DHRSX: variants seen among roughly 807,000 people sequenced by gnomAD.
DHRSX encodes dehydrogenase/reductase X-linked.
In DHRSX, 31 loss-of-function variants were observed where a neutral mutation model predicts 34.0. That is an observed-to-expected ratio of 0.91 (90% CI 0.69 to 1.23). The LOEUF (loss-of-function observed/expected upper bound fraction) is 1.23, where lower values mean the gene tolerates loss of function less well. Ranked by LOEUF, DHRSX falls within the 50% of genes most tolerant of loss-of-function variation. DHRSX has a pLI of 0.00. For missense variants in DHRSX, 414 were observed against 428.1 expected (o/e 0.97, Z 0.29); for synonymous variants, 201 against 183.8 (o/e 1.09, Z -0.76).
At chrX:2,351,447 C>T (rs2042787968) in intron 3 of DHRSX, among the ~76,000 whole-genome samples, 1 of 152,150 alleles carries the variant, frequency 6.6e-6, no homozygotes, top group Non-Finnish European at 1.5e-5. Flanking sequence ...CAGCCTCAGA[C>T]AGGTCATGAC....
At chrX:2,319,311 G>A (rs1190594346) in intron 3 of DHRSX, among the ~76,000 whole-genome samples, 32 of 149,808 alleles carry the variant, frequency 2.1e-4, no homozygotes, top group Admixed American at 3.4e-4. Flanking sequence ...TTGGGAGGCC[G>A]AGGCGGGTAG....
chrX:2,496,024 G>A (rs2045275798), intron 1 of DHRSX, among the ~76,000 whole-genome samples: 1 of 152,118 alleles, frequency 6.6e-6, no homozygotes, highest in African/African-American at 2.4e-5. Context: ...TTTTGGAAAT[G>A]ACAATCATTT....
intron 6 of DHRSX, among the ~76,000 whole-genome samples, chrX:2,230,934 T>A (rs2015862801): frequency 6.6e-6 from 1 of 152,102 alleles, no homozygotes; most frequent in Admixed American, 6.6e-5. Context: ...AATACAAAAT[T>A]GAACGGTCTC....
intron 3 of DHRSX, among the ~76,000 whole-genome samples, chrX:2,388,069 G>A (rs970525420): frequency 1.3e-5 from 2 of 152,014 alleles, no homozygotes; most frequent in African/African-American, 2.4e-5. Context: ...TCAGCCTCAG[G>A]GCTTGAGGGG....
rs183959783 is a variant in DHRSX, at chrX:2,456,129, A to G, written c.110-30825T>C. On this transcript the variant is annotated intron_variant, in intron 1 of 6. Transcript: ENST00000334651. The stretch of plus-strand genomic sequence containing the variant: ...CAGCCTCAGGAACAGGGCACAGTCA[A>G]CTCACCACAGGGGTGACCCCAGAAA... 4.7e-3 allele frequency among the ~76,000 whole-genome samples: 709 copies of G among 152,234 alleles called. 6 individuals carry two copies. The highest frequency in any genetic ancestry group is 0.016 in the African/African-American group (668 of 41,554).
chrX:2,342,057 C>T (rs1200092805), intron 3 of DHRSX, among the ~76,000 whole-genome samples: 3 of 152,088 alleles, frequency 2.0e-5, no homozygotes, highest in African/African-American at 7.2e-5. Context: ...CTGTCCGCCT[C>T]GGCCTCCCAA....
In DHRSX at chrX:2,260,523, G is replaced by A. The variant is rs1207554753; in HGVS notation, c.596+6217C>T. On this transcript the variant is annotated intron_variant, in intron 5 of 6. Coordinates refer to ENST00000334651, the MANE Select transcript of DHRSX (RefSeq NM_145177.3). The stretch of plus-strand genomic sequence containing the variant: ...TGCCCAGGCTGGAGTGCAATGGCAC[G>A]ATCTCAGCTCACTGCAACCTCCACC... 2.7e-5 allele frequency among the ~76,000 whole-genome samples: 4 copies of A among 150,720 alleles called. No individual in the cohort carries two copies. In the East Asian group the frequency reaches 7.8e-4, roughly 29 times the overall value.
intron 5 of DHRSX, among the ~76,000 whole-genome samples, chrX:2,254,397 C>T (rs1158138933): frequency 6.6e-6 from 1 of 152,122 alleles, no homozygotes; most frequent in African/African-American, 2.4e-5. Flanking sequence ...TTTTCCAGTG[C>T]TCATTAAACC....
chrX:2,242,981 C>G, intron 6 of DHRSX, 42 bp downstream of exon 6: 1 of 1,591,358 alleles, frequency 6.3e-7, no homozygotes. Flanking sequence ...CCTGTAGCAT[C>G]TTCAGGTGCA....
At chrX:2,419,415 C>T (rs984750439) in intron 2 of DHRSX, among the ~76,000 whole-genome samples, 12 of 152,216 alleles carry the variant, frequency 7.9e-5, no homozygotes, top group Non-Finnish European at 1.5e-4. Flanking sequence ...TGTGGCGATT[C>T]CTCAGGGATC....
intron 5 of DHRSX, among the ~76,000 whole-genome samples, chrX:2,259,365 GAT>G (rs1246658058): frequency 3.8e-5 from 4 of 106,332 alleles, no homozygotes; most frequent in Non-Finnish European, 8.7e-5. Context: ...GATAGATATA[GAT>G]ATATATAGAT....
chrX:2,322,555 CAAAA>C (rs752649879), intron 3 of DHRSX, among the ~76,000 whole-genome samples: 1 of 123,186 alleles, frequency 8.1e-6, no homozygotes, highest in Non-Finnish European at 1.7e-5. Context: ...AACTCCATCT[CAAAA>C]AAAAAAAAAA....
At chrX:2,406,467 G>A (rs1342157847) in intron 3 of DHRSX, among the ~76,000 whole-genome samples, 1 of 149,790 alleles carries the variant, frequency 6.7e-6, no homozygotes, top group African/African-American at 2.5e-5. Context: ...TTGAGACAGA[G>A]TCTTGCTCTG....
At chrX:2,378,973 T>C (rs2043173977) in intron 3 of DHRSX, among the ~76,000 whole-genome samples, 1 of 152,066 alleles carries the variant, frequency 6.6e-6, no homozygotes, top group South Asian at 2.1e-4. Flanking sequence ...CGCCCGGCCT[T>C]TGGCTTACTT....
chrX:2,370,590 G>GAAAAAAAAAAAAAAAAAAAAAAAAA, intron 3 of DHRSX, among the ~76,000 whole-genome samples: 1 of 132,680 alleles, frequency 7.5e-6, no homozygotes, highest in African/African-American at 3.0e-5. Context: ...TGGTTTTACT[G>GAAAAAAAAAAAAAAAAAAAAAAAAA]AAAAAAAAAA....
In DHRSX at chrX:2,221,146, G is replaced by A. The variant is rs35911967; in HGVS notation, c.888C>T (p.Asn296=). The part of the protein sequence containing the change: ...LEGVGGHYLY[N]EKETKSLHVT... ...CGTGGAGGGACTTGGTCTCTTTCTC[G>A]TTGTATAGGTAATGGCCACCAACTC... Residue 296 remains asparagine (N), a synonymous_variant, in exon 7 of 7, where the codon AAC becomes AAT. Coordinates refer to ENST00000334651, the MANE Select transcript of DHRSX (RefSeq NM_145177.3). The A allele has an allele frequency of 0.013, 21,633 of 1,613,816 alleles. 353 individuals carry two copies. The highest frequency in any genetic ancestry group is 0.062 in the African/African-American group (4,620 of 74,994).
rs372298772 is a variant in DHRSX at position 2,468,161 on chromosome X, C to T, written c.109+32656G>A. On this transcript the variant is annotated intron_variant, in intron 1 of 6. Coordinates refer to ENST00000334651, the MANE Select transcript of DHRSX (RefSeq NM_145177.3). ...TGCGATGGGGGCATCTCCAGAAATC[C>T]GAAGATTCAGGTTCTGAACCTCTGA... Among the ~76,000 whole-genome samples the T allele has an allele frequency of 2.6e-5, 4 of 152,104 alleles. No individual in the cohort carries two copies. The South Asian group carries it at 6.2e-4, about 24-fold the overall frequency.
chrX:2,420,851 A>C, intron 2 of DHRSX, among the ~76,000 whole-genome samples: 1 of 152,116 alleles, frequency 6.6e-6, no homozygotes, highest in African/African-American at 2.4e-5. Flanking sequence ...ATAGACCAAA[A>C]AGTGCTCACC....
chrX:2,228,498 A>G (rs1435365860), intron 6 of DHRSX, among the ~76,000 whole-genome samples: 1 of 115,482 alleles, frequency 8.7e-6, no homozygotes, highest in Non-Finnish European at 1.8e-5. Flanking sequence ...GGAAGGGAGG[A>G]AGGAAGGAAA....
Sources: allele counts gnomAD v4.1 joint callset (sites outside exome capture counted in the v4.1 genomes callset), GRCh38; gene constraint gnomAD v4.1.1; transcripts MANE v1.5; gene names NCBI Gene and HGNC (gene_info 2026-07-23, HGNC 2026-07-21).